Variants in DTD1 observed in about 807,000 individuals in gnomAD.
The protein encoded by DTD1 is D-aminoacyl-tRNA deacylase 1.
Under a neutral mutation model 25.6 loss-of-function variants are expected in DTD1, and 13 were observed. That is an observed-to-expected ratio of 0.51 (90% CI 0.33 to 0.81). The LOEUF (loss-of-function observed/expected upper bound fraction) is 0.81, where lower values mean the gene tolerates loss of function less well. Ranked by LOEUF, DTD1 falls within the 30% of genes least tolerant of loss-of-function variation. The pLI is 0.02. For missense variants in DTD1, 193 were observed against 266.4 expected (o/e 0.72, Z 1.92); for synonymous variants, 110 against 103.6 (o/e 1.06, Z -0.37).
chr20:18,610,775 G>A (rs569671379), intron 3 of DTD1, among the ~76,000 whole-genome samples: 2 of 152,012 alleles, frequency 1.3e-5, no homozygotes, highest in South Asian at 2.1e-4. Context: ...AGCCACACAC[G>A]GGGTTGTGTG....
chr20:18,704,235 C>T (rs538167335), intron 4 of DTD1, among the ~76,000 whole-genome samples: 8 of 152,220 alleles, frequency 5.3e-5, no homozygotes, highest in South Asian at 2.1e-4. Context: ...CTCCTGAGCT[C>T]GTGATCCTCC....
chr20:18,643,426 G>A (rs1170742424), intron 4 of DTD1: 6 of 220,004 alleles, frequency 2.7e-5, no homozygotes, highest in South Asian at 7.9e-5. Context: ...CTAGCTCTTC[G>A]ATTCTGAAAC....
chr20:18,671,885 C>T (rs1453761824), intron 4 of DTD1, among the ~76,000 whole-genome samples: 1 of 152,116 alleles, frequency 6.6e-6, no homozygotes, highest in Non-Finnish European at 1.5e-5. Context: ...TTACAGTCAC[C>T]AGAACGTTCA....
At chr20:18,667,899 A>T (rs2060937751) in intron 4 of DTD1, among the ~76,000 whole-genome samples, 1 of 152,174 alleles carries the variant, frequency 6.6e-6, no homozygotes, top group Admixed American at 6.6e-5. Context: ...ATGCATAGGG[A>T]GTATCTACCT....
chr20:18,736,057 T>C (rs1394370092), intron 4 of DTD1, among the ~76,000 whole-genome samples: 8 of 152,200 alleles, frequency 5.3e-5, no homozygotes, highest in Admixed American at 5.2e-4. Context: ...ATCCATACTC[T>C]AGAGTAATCC....
intron 5 of DTD1, among the ~76,000 whole-genome samples, chr20:18,753,451 T>C (rs1426662331): frequency 6.6e-6 from 1 of 151,594 alleles, no homozygotes. Flanking sequence ...CTACAAAAAA[T>C]ACAAAAATTA....
chr20:18,687,225 T>G (rs983776763), intron 4 of DTD1, among the ~76,000 whole-genome samples: 1 of 152,160 alleles, frequency 6.6e-6, no homozygotes, highest in African/African-American at 2.4e-5. Flanking sequence ...AGAGGGAACT[T>G]CCAGGTTGGG....
chr20:18,729,432 CG>C (rs983237058), intron 4 of DTD1, among the ~76,000 whole-genome samples: 1 of 152,166 alleles, frequency 6.6e-6, no homozygotes, highest in African/African-American at 2.4e-5. Context: ...ACCATGGCCC[CG>C]GGGTATTCAG....
intron 4 of DTD1, among the ~76,000 whole-genome samples, chr20:18,636,266 T>A (rs2060807065): frequency 6.6e-6 from 1 of 152,240 alleles, no homozygotes. Flanking sequence ...TTATACATTG[T>A]GCATAGCAAT....
chr20:18,684,123 C>T (rs935672971), intron 4 of DTD1, among the ~76,000 whole-genome samples: 1 of 152,098 alleles, frequency 6.6e-6, no homozygotes, highest in Admixed American at 6.5e-5. Flanking sequence ...TGAGGGTCTT[C>T]TCAGCAATTC....
intron 4 of DTD1, among the ~76,000 whole-genome samples, chr20:18,739,249 C>T (rs1042396181): frequency 1.3e-5 from 2 of 152,206 alleles, no homozygotes; most frequent in Non-Finnish European, 2.9e-5. Context: ...CTAGTTCATT[C>T]TTAGATTGTG....
intron 4 of DTD1, among the ~76,000 whole-genome samples, chr20:18,685,946 A>G (rs987350811): frequency 6.6e-6 from 1 of 152,112 alleles, no homozygotes; most frequent in African/African-American, 2.4e-5. Context: ...CGCCAACTTC[A>G]GTGTCATTTG....
At chr20:18,617,552 C>G (rs1568647114) in intron 3 of DTD1, among the ~76,000 whole-genome samples, 1 of 151,874 alleles carries the variant, frequency 6.6e-6, no homozygotes, top group East Asian at 1.9e-4. Context: ...AGTCCTCTAA[C>G]TTTATTCTTC....
At chr20:18,600,208 T>C (rs2060628241) in intron 3 of DTD1, among the ~76,000 whole-genome samples, 1 of 152,232 alleles carries the variant, frequency 6.6e-6, no homozygotes, top group African/African-American at 2.4e-5. Context: ...GATTTTTTCC[T>C]GTTATCTTCT....
At chr20:18,745,168 C>T (rs576713339) in intron 5 of DTD1, among the ~76,000 whole-genome samples, 5 of 152,186 alleles carry the variant, frequency 3.3e-5, no homozygotes, top group Non-Finnish European at 7.3e-5. Context: ...CCACCTGCCC[C>T]GTGTTCTGAA....
intron 4 of DTD1, among the ~76,000 whole-genome samples, chr20:18,647,046 G>A (rs753028965): frequency 2.6e-5 from 4 of 152,194 alleles, no homozygotes; most frequent in Non-Finnish European, 5.9e-5. Flanking sequence ...AACTTTCTCT[G>A]CTCTTCTAAT....
intron 4 of DTD1, among the ~76,000 whole-genome samples, chr20:18,723,332 A>C (rs2061212077): frequency 6.6e-6 from 1 of 152,184 alleles, no homozygotes; most frequent in Admixed American, 6.5e-5. Context: ...CTTTGGTGCC[A>C]TTGTGGTCAT....
chr20:18,671,103 G>A (rs1216717835), intron 4 of DTD1, among the ~76,000 whole-genome samples: 1 of 152,192 alleles, frequency 6.6e-6, no homozygotes, highest in African/African-American at 2.4e-5. Context: ...CTGTGGCTCT[G>A]TTGCTTAGTA....
rs370120832 is a variant in DTD1 at position 18,708,244 on chromosome 20, A to ATATT, written c.478-35856_478-35855insTATT. ...ATATATATATATTTTATATATATAT[A>ATATT]ATATATATTATATATATATTTTATA... On this transcript the variant is annotated intron_variant, in intron 4 of 5. Transcript: ENST00000377452. Among the ~76,000 whole-genome samples, 8 of 41,406 alleles carry ATATT rather than the reference A, an allele frequency of 1.9e-4. 3 individuals carry two copies. In the East Asian group the frequency reaches 7.1e-3, roughly 37 times the overall value. 27.2% of individuals were successfully genotyped at this position (41,406 alleles called of 152,430 possible).
Sources: gnomAD v4.1 joint callset for allele counts (sites outside exome capture counted in the v4.1 genomes callset) on GRCh38, gnomAD v4.1.1 for gene constraint, MANE v1.5 for transcripts, NCBI Gene and HGNC (gene_info 2026-07-23, HGNC 2026-07-21) for gene names.